The following CLCN2 variants were observed in gnomAD, a reference collection of about 807,000 sequenced individuals.
The protein encoded by CLCN2 is chloride channel protein 2.
In CLCN2, 72 loss-of-function variants were observed where a neutral mutation model predicts 108.3. The ratio of observed to expected loss-of-function variants is 0.66; its 90% CI spans 0.55 to 0.81. The LOEUF is 0.81. CLCN2 is among the 30% of genes least tolerant of loss of function. The pLI, the probability that CLCN2 is intolerant of heterozygous loss-of-function variation, is 0.00. For missense variants in CLCN2, 1,048 were observed against 1,205.2 expected (o/e 0.87, Z 1.93); for synonymous variants, 471 against 467.1 (o/e 1.01, Z -0.11).
chr3:184,357,590 G>A, intron 7 of CLCN2, 30 bp downstream of exon 7: 1 of 1,613,956 alleles, frequency 6.2e-7, no homozygotes, highest in South Asian at 1.1e-5. Flanking sequence ...CAGGGTTGTG[G>A]GGCTGGACTG....
chr3:184,359,253 A>G, intron 1 of CLCN2, 122 bp from the exon 2 acceptor site: 1 of 1,217,518 alleles, frequency 8.2e-7, no homozygotes. Flanking sequence ...TCTTGAACGC[A>G]CAGTTCCCAC....
Position 184,354,041 on chromosome 3 carries a change from G to A in CLCN2, c.1721+60C>T, listed in dbSNP as rs1016560160. ...GGACCTTGCTAGAGGTGGCTGTAGG[G>A]GGATCTAGGATGCCCTCTGCCCTTC... is the stretch of plus-strand genomic sequence containing the variant. On this transcript the variant is annotated intron_variant, in intron 15 of 23. Transcript: ENST00000265593. The A allele has an allele frequency of 5.8e-6, 9 of 1,544,138 alleles. No homozygotes were observed. In the African/African-American group the frequency reaches 9.7e-5, roughly 17 times the overall value.
At chr3:184,360,519 C>A (rs1431360814) in intron 1 of CLCN2, among the ~76,000 whole-genome samples, 5 of 152,120 alleles carry the variant, frequency 3.3e-5, no homozygotes, top group African/African-American at 1.2e-4. Context: ...CAGCTACTTT[C>A]TCCTAACTGG....
chr3:184,353,225 A>G lies in CLCN2; in HGVS notation c.2028+25T>C, dbSNP rs182720795. On this transcript the variant is annotated intron_variant, in intron 17 of 23. Transcript: ENST00000265593. ...ATCAGTCTACACAATGACATTTAGG[A>G]AGCGTTTGTGGCTTTTCCCCTCACC... 2.5e-5 allele frequency: 40 copies of G among 1,613,736 alleles called. No individual in the cohort carries two copies. In the East Asian group the frequency reaches 8.9e-4, roughly 36 times the overall value.
At position 184,353,318 on chromosome 3, in the gene CLCN2, C is replaced by T. The variant is rs1728273709; in HGVS notation, c.1960G>A (p.Ala654Thr). 1.2e-6 allele frequency: 2 copies of T among 1,613,464 alleles called. No individual in the cohort carries two copies. The highest frequency in any genetic ancestry group is 8.5e-7 in the Non-Finnish European group (1 of 1,180,028). Residue 654 changes from alanine (A) to threonine (T), a missense_variant, in exon 17 of 24, where the codon GCC (alanine) becomes ACC (threonine). Ala to Thr is a moderately conservative substitution (Grantham distance 58, BLOSUM62 0). Transcript: ENST00000265593. ...RRRQHMQERR[A>T]TQTSPLSDQE... ...TCAGATAGTGGAGAGGTCTGGGTGG[C>T]TCTGCGCTCCTGCATGTGCTGCCGC...
Position 184,355,128 on chromosome 3 carries a change from C to T in CLCN2, c.1327-155G>A. 1 of 823,204 alleles carries T rather than the reference C, an allele frequency of 1.2e-6. No homozygotes were observed. Among genetic ancestry groups the T allele is most frequent in the Non-Finnish European group, 2.0e-6 (1 of 494,600 alleles). The allele number at this position is 823,204 out of a possible 1,614,324, so 51.0% of individuals were successfully genotyped here. ...TAGCTACCCTGGGACCCCCAGGCCT[C>T]CCAGGTGATGGCAAGGGGAAGGACT... On this transcript the variant is annotated intron_variant, in intron 12 of 23. Transcript: ENST00000265593. This position sits in a 1 kb window ranked among gnomAD's most constrained non-coding sequence, Gnocchi z 6.3.
chr3:184,347,269 TGGG>T (rs1414236650), intron 22 of CLCN2: 3 of 566,386 alleles, frequency 5.3e-6, no homozygotes, highest in Non-Finnish European at 9.5e-6. Context: ...AGAAATAGGA[TGGG>T]GGAGTAATTC....
At chr3:184,347,999 T>C (rs1435839791) in intron 22 of CLCN2, 1 of 152,258 alleles carries the variant, frequency 6.6e-6, no homozygotes, top group Non-Finnish European at 1.5e-5. Flanking sequence ...CTGAGTTTAC[T>C]TGTAAGCCTC....
intron 10 of CLCN2, 195 bp downstream of exon 10, chr3:184,356,798 A>G: frequency 1.6e-6 from 1 of 615,038 alleles, no homozygotes; most frequent in Non-Finnish European, 2.9e-6. Context: ...CGCTGACTAT[A>G]AACTTAAAAA....
At chr3:184,360,004 G>A (rs1711793476) in intron 1 of CLCN2, among the ~76,000 whole-genome samples, 2 of 150,836 alleles carry the variant, frequency 1.3e-5, no homozygotes, top group Admixed American at 6.6e-5. Flanking sequence ...AGGGAGGGAG[G>A]GAAAGATAGA....
chr3:184,354,323 A>C lies in CLCN2; in HGVS notation c.1508-9T>G. 1 of 1,612,342 alleles carries C rather than the reference A, an allele frequency of 6.2e-7. No individual in the cohort carries two copies. Among genetic ancestry groups the C allele is most frequent in the South Asian group, 1.1e-5 (1 of 91,008 alleles). Reference sequence around the variant, plus strand: ...TGCCAGCGCAGCTGCCCCTGGGGACAGTCACACTCAGTCTCCTCAGGGTGC... The same window carrying C: ...TGCCAGCGCAGCTGCCCCTGGGGACCGTCACACTCAGTCTCCTCAGGGTGC... On this transcript the variant is annotated splice_polypyrimidine_tract_variant and intron_variant, in intron 14 of 23. Transcript: ENST00000265593.
At chr3:184,347,395 G>A (rs1727759691) in intron 22 of CLCN2, 1 of 362,278 alleles carries the variant, frequency 2.8e-6, no homozygotes, top group African/African-American at 2.1e-5. Flanking sequence ...TTCCAGTACT[G>A]TCCTGAGAAC....
intron 22 of CLCN2, among the ~76,000 whole-genome samples, chr3:184,351,728 T>C (rs1728110505): frequency 6.6e-6 from 1 of 152,166 alleles, no homozygotes; most frequent in Non-Finnish European, 1.5e-5. Context: ...CCTTCTGGCT[T>C]CCACCCAGCT....
Position 184,355,597 on chromosome 3 carries a change from C to T in CLCN2, c.1171-68G>A, listed in dbSNP as rs1319629608. The stretch of plus-strand genomic sequence containing the variant: ...GAAGGGAAGAGGCCATGGGATCCCA[C>T]GGGGAACAAGGGGTCCCACAGTCAC... On this transcript the variant is annotated intron_variant, in intron 11 of 23. Coordinates refer to ENST00000265593, the MANE Select transcript of CLCN2 (RefSeq NM_004366.6). The surrounding 1 kb of genome is among the most constrained non-coding windows in gnomAD (Gnocchi z 6.3). 1.2e-5 allele frequency: 20 copies of T among 1,605,496 alleles called. No individual in the cohort carries two copies. Among genetic ancestry groups the T allele is most frequent in the South Asian group, 6.6e-5 (6 of 90,890 alleles).
intron 10 of CLCN2, chr3:184,356,347 A>T: frequency 1.2e-5 from 2 of 162,974 alleles, no homozygotes; most frequent in Non-Finnish European, 2.7e-5. Flanking sequence ...TGGAGATTAA[A>T]AAAAAAAAAA....
chr3:184,359,483 G>A (rs1711690828), intron 1 of CLCN2, among the ~76,000 whole-genome samples: 1 of 152,206 alleles, frequency 6.6e-6, no homozygotes, highest in South Asian at 2.1e-4. Flanking sequence ...AAAGTGGGAG[G>A]CGGGAAGGCC....
In CLCN2 at chr3:184,346,726, G is replaced by A; in HGVS notation, c.2577C>T (p.Asp859=). Residue 859 remains aspartate, a synonymous_variant, in exon 24 of 24, where the codon GAC becomes GAT. Transcript: ENST00000265593. The surrounding 1 kb of genome is among the most constrained non-coding windows in gnomAD (Gnocchi z 6.0). The part of the protein sequence containing the change: ...KVRPPLASFR[D]SATSSSDTET... ...CCGTGTCACTGCTGCTGGTGGCACT[G>A]TCTCGGAAGCTGGCGAGGGGCGGCC... 1.2e-6 allele frequency: 2 copies of A among 1,614,224 alleles called. No individual in the cohort carries two copies. Among genetic ancestry groups the A allele is most frequent in the Non-Finnish European group, 8.5e-7 (1 of 1,180,044 alleles).
chr3:184,354,677 G>T lies in CLCN2; in HGVS notation c.1397-19C>A. 1.2e-6 allele frequency: 1 copy of T among 866,548 alleles called. No homozygotes were observed. The highest frequency in any genetic ancestry group is 1.8e-6 in the Non-Finnish European group (1 of 557,798). The allele number at this position is 866,548 out of a possible 1,614,324, so 53.7% of individuals were successfully genotyped here. A position where few individuals can be genotyped will look rare whatever the true frequency, so the allele number is the denominator to read the frequency against. ...GCTGCTCCTTCAGGGAGGGGGGTGG[G>T]AAGAGAAAGAGGCAGTGGAGGGGGA... On this transcript the variant is annotated intron_variant, in intron 13 of 23. Coordinates refer to ENST00000265593, the MANE Select transcript of CLCN2 (RefSeq NM_004366.6).
intron 3 of CLCN2, 112 bp downstream of exon 3, chr3:184,358,570 G>T (rs919981506): frequency 1.4e-6 from 2 of 1,426,516 alleles, no homozygotes; most frequent in Admixed American, 3.9e-5. Flanking sequence ...ACTGGCTGGG[G>T]AAAGTGGTCA....
Sources: gnomAD v4.1 joint callset for allele counts (sites outside exome capture counted in the v4.1 genomes callset) on GRCh38, gnomAD v4.1.1 for gene constraint, Gnocchi (gnomAD v3.1) non-coding constraint, MANE v1.5 for transcripts, NCBI Gene and HGNC (gene_info 2026-07-23, HGNC 2026-07-21) for gene names.